Variants in FSD2 observed in about 807,000 individuals in gnomAD.
The protein encoded by FSD2 is fibronectin type III and SPRY domain-containing protein 2.
A neutral mutation model predicts 80.4 loss-of-function variants in FSD2; 71 were observed. The ratio of observed to expected loss-of-function variants is 0.88; its 90% CI spans 0.73 to 1.08. FSD2 has a LOEUF of 1.08. Ranked by LOEUF, FSD2 falls within the 50% of genes least tolerant of loss-of-function variation. FSD2 has a pLI of 0.00. For missense variants in FSD2, 923 were observed against 913.8 expected (o/e 1.01, Z -0.13); for synonymous variants, 361 against 329.5 (o/e 1.10, Z -1.03).
chr15:82,773,058 G>A (rs932861311), intron 6 of FSD2, among the ~76,000 whole-genome samples: 4 of 152,166 alleles, frequency 2.6e-5, no homozygotes, highest in Admixed American at 6.5e-5. Flanking sequence ...TTTTGGCCAC[G>A]CTGGTCTCGA....
At chr15:82,782,753 C>G (rs754926459) in intron 4 of FSD2, 42 bp downstream of exon 4, 1 of 1,477,918 alleles carries the variant, frequency 6.8e-7, no homozygotes, top group Non-Finnish European at 9.4e-7. Context: ...AATTCCATCT[C>G]TTTCCATTAT....
At chr15:82,785,938 CAAGGGCAAAAGA>C (rs2049985844) in intron 3 of FSD2, among the ~76,000 whole-genome samples, 1 of 152,062 alleles carries the variant, frequency 6.6e-6, no homozygotes, top group African/African-American at 2.4e-5. Flanking sequence ...CCCAAAAAGA[CAAGGGCAAAAGA>C]AAGGATGTCC....
chr15:82,774,548 G>A (rs1164816712), intron 6 of FSD2, among the ~76,000 whole-genome samples: 1 of 152,138 alleles, frequency 6.6e-6, no homozygotes, highest in Admixed American at 6.5e-5. Flanking sequence ...GCTAGGAAGT[G>A]GCAGAGTTGG....
chr15:82,792,239 T>C (rs142639318), intron 1 of FSD2, among the ~76,000 whole-genome samples: 1 of 152,338 alleles, frequency 6.6e-6, no homozygotes, highest in East Asian at 1.9e-4. Context: ...GCCAGCAGTG[T>C]AGGAAAGCTC....
At chr15:82,775,290 C>G (rs1220931529) in intron 6 of FSD2, among the ~76,000 whole-genome samples, 1 of 151,254 alleles carries the variant, frequency 6.6e-6, no homozygotes, top group Non-Finnish European at 1.5e-5. Flanking sequence ...CCCAGCTACT[C>G]GGGAGGCTGA....
chr15:82,782,783 T>C lies in FSD2; in HGVS notation c.966+12A>G. The C allele has an allele frequency of 6.4e-7, 1 of 1,566,856 alleles. No individual in the cohort carries two copies. Among genetic ancestry groups the C allele is most frequent in the Non-Finnish European group, 8.7e-7 (1 of 1,147,228 alleles). ...CATTATGTTCATTATTTCATTTTGT[T>C]TCATTACTGACCTTTATGAAATCCA... is the stretch of plus-strand genomic sequence containing the variant. On this transcript the variant is annotated intron_variant, in intron 4 of 12. Transcript: ENST00000334574.
chr15:82,781,095 G>A (rs959431797), intron 4 of FSD2, among the ~76,000 whole-genome samples: 3 of 152,164 alleles, frequency 2.0e-5, no homozygotes, highest in African/African-American at 7.2e-5. Flanking sequence ...GTAGTAAATG[G>A]TCTTTTGGGC....
In FSD2 at chr15:82,762,145, T is replaced by C. The variant is rs1257642122; in HGVS notation, c.1954A>G (p.Asn652Asp). 1 of 1,610,968 alleles carries C rather than the reference T, an allele frequency of 6.2e-7. No homozygotes were observed. Among genetic ancestry groups the C allele is most frequent in the Non-Finnish European group, 8.5e-7 (1 of 1,178,596 alleles). ...DVRKQEDLGA[N>D]CLSWCMRHTF... Reference sequence around the variant, plus strand: ...TGCCTCATGCACCAGGAGAGGCAATTTGCTCCCAGATCCTCCTGTTTACGG... The same window carrying C: ...TGCCTCATGCACCAGGAGAGGCAATCTGCTCCCAGATCCTCCTGTTTACGG... The change falls in exon 12 of 13, where the codon AAT becomes GAT. Residue 652 changes from asparagine (N) to aspartate (D), a missense_variant. Transcript: ENST00000334574.
chr15:82,803,460 C>G (rs1213420308), intron 1 of FSD2, among the ~76,000 whole-genome samples: 1 of 152,148 alleles, frequency 6.6e-6, no homozygotes, highest in African/African-American at 2.4e-5. Flanking sequence ...GCCCCACCTT[C>G]CCTAGCGGTA....
At chr15:82,791,451 A>G (rs2050150477) in intron 1 of FSD2, among the ~76,000 whole-genome samples, 1 of 151,386 alleles carries the variant, frequency 6.6e-6, no homozygotes, top group Admixed American at 6.6e-5. Flanking sequence ...GCTCACTGCA[A>G]CCTCTGCCTC....
At chr15:82,778,497 T>C (rs1339210235) in intron 6 of FSD2, among the ~76,000 whole-genome samples, 1 of 152,002 alleles carries the variant, frequency 6.6e-6, no homozygotes, top group Non-Finnish European at 1.5e-5. Context: ...GTCAAACTCT[T>C]AGAAGCAGAG....
chr15:82,804,236 C>T (rs182625652), intron 1 of FSD2, among the ~76,000 whole-genome samples: 384 of 152,128 alleles, frequency 2.5e-3, no homozygotes, highest in Non-Finnish European at 4.3e-3. Context: ...CTCATAACCA[C>T]GCACAGACAT....
In FSD2 at chr15:82,791,750, C is replaced by T. The variant is rs1254313393; in HGVS notation, c.-78-4282G>A. Among the ~76,000 whole-genome samples, 4 of 152,166 alleles carry T rather than the reference C, an allele frequency of 2.6e-5. No homozygotes were observed. In the South Asian group the frequency reaches 6.2e-4, roughly 24 times the overall value. On this transcript the variant is annotated intron_variant, in intron 1 of 12. Coordinates refer to ENST00000334574, the MANE Select transcript of FSD2 (RefSeq NM_001007122.4). Reference sequence around the variant, plus strand: ...ATCACCACCAGCATTCCCCCATCTCCCCTATCCTAAGCAACAACTAATCTA... The same window carrying T: ...ATCACCACCAGCATTCCCCCATCTCTCCTATCCTAAGCAACAACTAATCTA...
At chr15:82,771,957 G>T in intron 7 of FSD2, 116 bp downstream of exon 7, 3 of 1,077,648 alleles carry the variant, frequency 2.8e-6, no homozygotes, top group Non-Finnish European at 3.8e-6. Flanking sequence ...CCAATCCTCT[G>T]CATGTCTAGA....
At chr15:82,790,872 A>C (rs2050132338) in intron 1 of FSD2, among the ~76,000 whole-genome samples, 1 of 151,142 alleles carries the variant, frequency 6.6e-6, no homozygotes, top group South Asian at 2.1e-4. Context: ...GGTGTGAGCC[A>C]CCACGCCCGG....
chr15:82,771,765 C>T (rs1257013923), intron 7 of FSD2, among the ~76,000 whole-genome samples: 1 of 152,236 alleles, frequency 6.6e-6, no homozygotes, highest in African/African-American at 2.4e-5. Flanking sequence ...AGCAGGGCCT[C>T]CTTGACAAGG....
At chr15:82,774,976 G>T (rs774634552) in intron 6 of FSD2, among the ~76,000 whole-genome samples, 2 of 150,814 alleles carry the variant, frequency 1.3e-5, no homozygotes, top group African/African-American at 4.9e-5. Flanking sequence ...CACCTCAGCC[G>T]TCCAAAGTGC....
Position 82,765,864 on chromosome 15 carries a change from GGGTCCCAGAGACTTTGT to G in FSD2, c.1687+17_1687+33del. 1.3e-6 allele frequency: 2 copies of G among 1,576,214 alleles called. No homozygotes were observed. The highest frequency in any genetic ancestry group is 1.7e-6 in the Non-Finnish European group (2 of 1,157,956). ...GGGTCTGCCACAGAGTGGCCACTTT[GGGTCCCAGAGACTTTGT>G]GGGCTGGGGCACAGACCTATGGTGT... On this transcript the variant is annotated intron_variant, in intron 10 of 12. Coordinates refer to ENST00000334574, the MANE Select transcript of FSD2 (RefSeq NM_001007122.4).
intron 1 of FSD2, among the ~76,000 whole-genome samples, chr15:82,803,093 G>A (rs532026907): frequency 1.3e-5 from 2 of 152,106 alleles, no homozygotes; most frequent in South Asian, 4.2e-4. Context: ...CCCCATCTGG[G>A]GCTATGCACA....
Sources: allele counts gnomAD v4.1 joint callset (sites outside exome capture counted in the v4.1 genomes callset), GRCh38; gene constraint gnomAD v4.1.1; transcripts MANE v1.5; gene names NCBI Gene and HGNC (gene_info 2026-07-23, HGNC 2026-07-21).